RNF220: variants seen among roughly 807,000 people sequenced by gnomAD.
RNF220 encodes the protein ring finger protein 220.
In RNF220, 7 loss-of-function variants were observed where a neutral mutation model predicts 67.1. The ratio of observed to expected loss-of-function variants is 0.10; its 90% CI spans 0.06 to 0.20. The LOEUF (loss-of-function observed/expected upper bound fraction) is 0.20. RNF220 is among the 10% of genes least tolerant of loss of function. The pLI is 1.00. For synonymous variants in RNF220, 270 were observed against 283.2 expected (o/e 0.95, Z 0.47); for missense variants, 565 against 740.3 (o/e 0.76, Z 2.75).
chr1:44,418,780 T>G (rs947215771), intron 2 of RNF220, among the ~76,000 whole-genome samples: 3 of 152,238 alleles, frequency 2.0e-5, no homozygotes, highest in Non-Finnish European at 4.4e-5. Flanking sequence ...TTTTTAACCC[T>G]TATTAACTAC....
intron 2 of RNF220, among the ~76,000 whole-genome samples, chr1:44,470,026 A>G (rs1185854812): frequency 2.6e-5 from 4 of 152,226 alleles, no homozygotes; most frequent in Non-Finnish European, 2.9e-5. Flanking sequence ...ATTTGAAACT[A>G]TGTCTCTGGC....
At chr1:44,513,462 C>T (rs1446756115) in intron 2 of RNF220, among the ~76,000 whole-genome samples, 3 of 149,616 alleles carry the variant, frequency 2.0e-5, no homozygotes, top group Admixed American at 6.7e-5. Flanking sequence ...TGACAGGGGC[C>T]AAATAAAGGC....
chr1:44,639,801 G>C (rs777881557), intron 8 of RNF220, among the ~76,000 whole-genome samples: 4 of 151,836 alleles, frequency 2.6e-5, no homozygotes, highest in Non-Finnish European at 4.4e-5. Context: ...ATTTATTTTT[G>C]AGACAGAGTC....
At chr1:44,612,489 C>T (rs1643355273) in intron 2 of RNF220, among the ~76,000 whole-genome samples, 1 of 152,164 alleles carries the variant, frequency 6.6e-6, no homozygotes, top group Non-Finnish European at 1.5e-5. Flanking sequence ...ACGAAGAATT[C>T]CTCCTTCGTT....
chr1:44,501,589 AG>A (rs1657885203), intron 2 of RNF220, among the ~76,000 whole-genome samples: 3 of 152,136 alleles, frequency 2.0e-5, no homozygotes, highest in African/African-American at 7.2e-5. Flanking sequence ...AATGCGGCCA[AG>A]CAGGACAATT....
At chr1:44,485,041 G>A (rs1197268494) in intron 2 of RNF220, among the ~76,000 whole-genome samples, 1 of 152,172 alleles carries the variant, frequency 6.6e-6, no homozygotes, top group East Asian at 1.9e-4. Flanking sequence ...TACTTGGGAG[G>A]CTGAGAATCA....
At chr1:44,500,525 C>A (rs1205139917) in intron 2 of RNF220, among the ~76,000 whole-genome samples, 2 of 152,174 alleles carry the variant, frequency 1.3e-5, no homozygotes, top group African/African-American at 4.8e-5. Flanking sequence ...GGAATGTAAG[C>A]GCTGCAAGGA....
chr1:44,423,750 A>T, intron 2 of RNF220: 1 of 769,778 alleles, frequency 1.3e-6, no homozygotes, highest in Non-Finnish European at 1.6e-6. Context: ...CTTGGCCGTT[A>T]AACTAAGCCA....
At chr1:44,513,676 A>C (rs544854361) in intron 2 of RNF220, among the ~76,000 whole-genome samples, 1 of 152,316 alleles carries the variant, frequency 6.6e-6, no homozygotes, top group South Asian at 2.1e-4. Context: ...GTTTAAAGTA[A>C]AAATTTACAC....
In RNF220 at chr1:44,626,353, C is replaced by T. The variant is rs76104973; in HGVS notation, c.861C>T (p.Pro287=). 3.1e-6 allele frequency: 5 copies of T among 1,613,308 alleles called. No individual in the cohort carries two copies. Among genetic ancestry groups the T allele is most frequent in the African/African-American group, 1.3e-5 (1 of 74,654 alleles). Residue 287 remains proline (P), a synonymous_variant, in exon 5 of 15, where the codon CCC becomes CCT. Transcript: ENST00000361799. ...KREGESPTAS[P]HSSATDDLHH... is the part of the protein sequence containing the mutation. ...AAGGAGAGTCTCCAACGGCATCACCCCACTCATCTGCCACCGATGACCTCC... is the reference window on the plus strand; with the variant it reads ...AAGGAGAGTCTCCAACGGCATCACCTCACTCATCTGCCACCGATGACCTCC...
At position 44,614,181 on chromosome 1, in the gene RNF220, G is replaced by A. The variant is rs766939834; in HGVS notation, c.642G>A (p.Ala214=). The A allele has an allele frequency of 7.4e-6, 12 of 1,614,052 alleles. No individual in the cohort carries two copies. The highest frequency in any genetic ancestry group is 3.3e-5 in the Admixed American group (2 of 59,994). ...CCTCACTAGGTAAGAAGAAAGCAGCGGCATTGTTCGACAGCCAGGCCCCAA... is the reference window on the plus strand; with the variant it reads ...CCTCACTAGGTAAGAAGAAAGCAGCAGCATTGTTCGACAGCCAGGCCCCAA... The part of the protein sequence containing the change: ...DRNDRCKKKA[A]ALFDSQAPIC... The change falls in exon 3 of 15, where the codon GCG becomes GCA. Residue 214 remains alanine, a synonymous_variant. Coordinates refer to ENST00000361799, the MANE Select transcript of RNF220 (RefSeq NM_018150.4).
intron 2 of RNF220, among the ~76,000 whole-genome samples, chr1:44,474,537 T>C (rs1655121180): frequency 6.6e-6 from 1 of 151,472 alleles, no homozygotes; most frequent in South Asian, 2.1e-4. Context: ...AGCAAGACCC[T>C]GTCTCTTCAG....
intron 2 of RNF220, among the ~76,000 whole-genome samples, chr1:44,511,500 G>A (rs543866138): frequency 6.6e-6 from 1 of 152,280 alleles, no homozygotes; most frequent in East Asian, 1.9e-4. Context: ...TCATTTTTTA[G>A]ATCAGTCTTT....
At position 44,645,291 on chromosome 1, in the gene RNF220, A is replaced by T; in HGVS notation, c.1366+15A>T. On this transcript the variant is annotated intron_variant, in intron 11 of 14. Transcript: ENST00000361799. The surrounding 1 kb of genome is among the most constrained non-coding windows in gnomAD (Gnocchi z 5.0). ...GGCCAGTGATGGTAAGTCCTGCCCC[A>T]GGTTAGGAGTAATGGGGGAGAGGGG... The T allele has an allele frequency of 6.2e-7, 1 of 1,614,038 alleles. No individual in the cohort carries two copies.
At chr1:44,638,047 G>A (rs548886071) in intron 8 of RNF220, among the ~76,000 whole-genome samples, 2 of 152,220 alleles carry the variant, frequency 1.3e-5, no homozygotes, top group African/African-American at 4.8e-5. Flanking sequence ...CTCCTCAGTG[G>A]GGGGGCTATC....
intron 8 of RNF220, among the ~76,000 whole-genome samples, chr1:44,641,933 G>A (rs938977106): frequency 7.9e-5 from 12 of 152,224 alleles, no homozygotes; most frequent in African/African-American, 2.4e-4. Flanking sequence ...GCTGCTGCCC[G>A]GCTGGGAGCT....
At chr1:44,626,616 G>A in intron 5 of RNF220, 1 of 574,748 alleles carries the variant, frequency 1.7e-6, no homozygotes, top group Non-Finnish European at 3.1e-6. Flanking sequence ...AGATGCCAAG[G>A]TCACATGGGC....
chr1:44,548,020 C>T (rs1210076737), intron 2 of RNF220, among the ~76,000 whole-genome samples: 1 of 152,138 alleles, frequency 6.6e-6, no homozygotes, highest in East Asian at 1.9e-4. Context: ...TTTCTCTCTA[C>T]CACGAACAGT....
chr1:44,413,397 C>T (rs1648186419), intron 2 of RNF220, among the ~76,000 whole-genome samples: 1 of 152,204 alleles, frequency 6.6e-6, no homozygotes, highest in South Asian at 2.1e-4. Flanking sequence ...TGTGTGACTG[C>T]TCCAAATTTG....
Sources: gnomAD v4.1 joint callset for allele counts (sites outside exome capture counted in the v4.1 genomes callset) on GRCh38, gnomAD v4.1.1 for gene constraint, Gnocchi (gnomAD v3.1) non-coding constraint, MANE v1.5 for transcripts, NCBI Gene and HGNC (gene_info 2026-07-23, HGNC 2026-07-21) for gene names.